Variants in HPS5 observed in about 807,000 individuals in gnomAD.
The protein encoded by HPS5 is HPS5 biogenesis of lysosomal organelles complex 2 subunit 2.
Under a neutral mutation model 128.0 loss-of-function variants are expected in HPS5, and 83 were observed. The observed-to-expected ratio is 0.65, with a 90% confidence interval of 0.54 to 0.78. The LOEUF (loss-of-function observed/expected upper bound fraction) is 0.78. HPS5 is among the 30% of genes least tolerant of loss of function. HPS5 has a pLI of 0.00. For missense variants in HPS5, 1,281 were observed against 1,326.2 expected (o/e 0.97, Z 0.53); for synonymous variants, 475 against 470.2 (o/e 1.01, Z -0.13).
At chr11:18,295,959 G>T in intron 13 of HPS5, 40 bp downstream of exon 13, 1 of 1,584,980 alleles carries the variant, frequency 6.3e-7, no homozygotes, top group Non-Finnish European at 8.7e-7. Context: ...ACTGAAATAA[G>T]ATCAGTAATG....
intron 5 of HPS5, among the ~76,000 whole-genome samples, chr11:18,309,368 G>A (rs1409643278): frequency 1.3e-5 from 2 of 152,212 alleles, no homozygotes; most frequent in African/African-American, 4.8e-5. Flanking sequence ...ATGTTAGTCA[G>A]GCATGGTAGC....
chr11:18,297,113 A>G lies in HPS5; in HGVS notation c.1324-129T>C, dbSNP rs1011637972. 5.6e-6 allele frequency: 4 copies of G among 711,866 alleles called. No homozygotes were observed. In the African/African-American group the frequency reaches 7.2e-5, roughly 13 times the overall value. The allele number at this position is 711,866 out of a possible 1,614,324, so 44.1% of individuals were successfully genotyped here. On this transcript the variant is annotated intron_variant, in intron 11 of 22. Transcript: ENST00000349215. ...AACAACCATTATGGCTTATTAGAAC[A>G]AACTGATGAGCAAGGCTTAGGTGCC...
chr11:18,297,850 C>G (rs975444468), intron 10 of HPS5, 133 bp from the exon 11 acceptor site: 2 of 797,762 alleles, frequency 2.5e-6, no homozygotes, highest in East Asian at 5.4e-5. Flanking sequence ...GAGGCCGAGG[C>G]GGGCAGATCC....
chr11:18,283,662 C>CA, intron 21 of HPS5, 133 bp downstream of exon 21: 1 of 703,852 alleles, frequency 1.4e-6, no homozygotes, highest in Non-Finnish European at 2.5e-6. Flanking sequence ...AAAAACTCCA[C>CA]AAATGTGACA....
intron 9 of HPS5, 151 bp downstream of exon 9, chr11:18,300,677 A>C: frequency 3.6e-6 from 2 of 550,838 alleles, no homozygotes; most frequent in Non-Finnish European, 6.4e-6. Flanking sequence ...AGCCTGGGTG[A>C]CAGAGCAAGA....
intron 13 of HPS5, 118 bp from the exon 14 acceptor site, chr11:18,295,287 AAGACT>A (rs1250697570): frequency 1.2e-6 from 1 of 849,696 alleles, no homozygotes; most frequent in African/African-American, 1.7e-5. Context: ...GGACTTAGTA[AAGACT>A]GTTTATAGCA....
chr11:18,286,450 T>A, intron 19 of HPS5, 141 bp downstream of exon 19: 5 of 782,436 alleles, frequency 6.4e-6, no homozygotes, highest in East Asian at 2.7e-5. Flanking sequence ...GGTTGAAGGG[T>A]TTAATCACCT....
intron 1 of HPS5, among the ~76,000 whole-genome samples, chr11:18,321,091 A>C (rs561681933): frequency 3.3e-5 from 5 of 152,252 alleles, no homozygotes; most frequent in Non-Finnish European, 7.3e-5. Context: ...TTAAGTGTAC[A>C]TGAGGGTTCA....
intron 2 of HPS5, 29 bp from the exon 3 acceptor site, chr11:18,312,053 T>C (rs1254904251): frequency 6.7e-7 from 1 of 1,483,128 alleles, no homozygotes; most frequent in Admixed American, 1.7e-5. Flanking sequence ...AAGTGTGAGA[T>C]AATCACAGCT....
At chr11:18,308,151 T>C (rs1354902750) in intron 6 of HPS5, among the ~76,000 whole-genome samples, 3 of 152,240 alleles carry the variant, frequency 2.0e-5, no homozygotes, top group Non-Finnish European at 4.4e-5. Flanking sequence ...AGCTGTCTGC[T>C]ATTCTGCTCT....
intron 22 of HPS5, 28 bp downstream of exon 22, chr11:18,281,922 T>C: frequency 3.7e-6 from 6 of 1,613,962 alleles, no homozygotes; most frequent in Non-Finnish European, 5.1e-6. Context: ...CCAAGCACTA[T>C]GCAGAGGGTA....
At chr11:18,318,943 C>T (rs573471964) in intron 1 of HPS5, among the ~76,000 whole-genome samples, 1 of 148,886 alleles carries the variant, frequency 6.7e-6, no homozygotes, top group African/African-American at 2.5e-5. Flanking sequence ...AGTGGCAAAA[C>T]GAAGACTATA....
chr11:18,319,956 T>C lies in HPS5; in HGVS notation c.-50+1990A>G, dbSNP rs116596328. 7.5e-3 allele frequency among the ~76,000 whole-genome samples: 1,133 copies of C among 151,988 alleles called. 32 individuals are homozygous for C. The South Asian group carries it at 0.084, about 11-fold the overall frequency. ...CAAGAGATGGAAAGGAATGATAATA[T>C]CATAGTGTCTCTTCTACTTGTGATC... is the stretch of plus-strand genomic sequence containing the variant. On this transcript the variant is annotated intron_variant, in intron 1 of 22. Coordinates refer to ENST00000349215, the MANE Select transcript of HPS5 (RefSeq NM_181507.2).
Position 18,281,989 on chromosome 11 carries a change from C to A in HPS5, c.3290G>T (p.Arg1097Ile). 6.2e-7 allele frequency: 1 copy of A among 1,614,194 alleles called. No homozygotes were observed. The highest frequency in any genetic ancestry group is 8.5e-7 in the Non-Finnish European group (1 of 1,180,036). ...LALELSEKFT[R>I]TCDILRIAEK... ...AGCAATCCTCAGGATATCGCAGGTT[C>A]TGGTAAACTTCTCTGACAACTCAAG... The change falls in exon 22 of 23, where the codon AGA becomes ATA. Residue 1097 changes from arginine to isoleucine, a missense_variant. Arg to Ile is a moderately conservative substitution (Grantham distance 97). Coordinates refer to ENST00000349215, the MANE Select transcript of HPS5 (RefSeq NM_181507.2).
chr11:18,296,219 A>G, intron 12 of HPS5, 97 bp from the exon 13 acceptor site: 2 of 1,314,148 alleles, frequency 1.5e-6, no homozygotes, highest in Non-Finnish European at 2.1e-6. Flanking sequence ...ACCGAAAGAA[A>G]TGAAGGATTC....
intron 1 of HPS5, among the ~76,000 whole-genome samples, chr11:18,318,951 A>G (rs889809524): frequency 2.0e-5 from 3 of 147,476 alleles, no homozygotes; most frequent in Non-Finnish European, 4.5e-5. Context: ...AACGAAGACT[A>G]TATTTTTTAT....
In HPS5 at chr11:18,308,843, A is replaced by AG. The variant is rs1277114856; in HGVS notation, c.611+102_611+103insC. On this transcript the variant is annotated intron_variant, in intron 6 of 22. Coordinates refer to ENST00000349215, the MANE Select transcript of HPS5 (RefSeq NM_181507.2). ...AAAAAGAAAAAAAAGAAAAAGAAAAAAAATCTGTATAACTGATTGATGGGG... is the reference window on the plus strand; with the variant it reads ...AAAAAGAAAAAAAAGAAAAAGAAAAAGAAATCTGTATAACTGATTGATGGGG... 13 of 1,211,602 alleles carry AG rather than the reference A, an allele frequency of 1.1e-5. No individual in the cohort carries two copies. In the East Asian group the frequency reaches 2.5e-4, roughly 23 times the overall value. The allele number at this position is 1,211,602 out of a possible 1,614,324, so 75.1% of individuals were successfully genotyped here.
intron 12 of HPS5, 33 bp from the exon 13 acceptor site, chr11:18,296,155 A>C: frequency 6.2e-7 from 1 of 1,605,488 alleles, no homozygotes; most frequent in Non-Finnish European, 8.5e-7. Flanking sequence ...AAAGAAACAA[A>C]ATCTAATCAC....
At chr11:18,317,257 ATTT>A (rs67379743) in intron 2 of HPS5, among the ~76,000 whole-genome samples, 17 of 131,982 alleles carry the variant, frequency 1.3e-4, no homozygotes, top group Non-Finnish European at 1.9e-4. Context: ...GGCCTGATAA[ATTT>A]TTTTTTTTTT....
Sources: gnomAD v4.1 joint callset for allele counts (sites outside exome capture counted in the v4.1 genomes callset) on GRCh38, gnomAD v4.1.1 for gene constraint, MANE v1.5 for transcripts, NCBI Gene and HGNC (gene_info 2026-07-23, HGNC 2026-07-21) for gene names.